Variants in PIR observed in about 807,000 individuals in gnomAD.
The protein encoded by PIR is pirin.
Under a neutral mutation model 24.2 loss-of-function variants are expected in PIR, and 22 were observed. The ratio of observed to expected loss-of-function variants is 0.91; its 90% CI spans 0.65 to 1.30. PIR has a LOEUF of 1.30. Among genes scored for constraint, PIR ranks in the 50% most tolerant of loss-of-function variants. The probability of loss-of-function intolerance (pLI) is 0.00; values close to 1 mark genes in which losing one functional copy is unlikely to be tolerated. For missense variants in PIR, 220 were observed against 220.3 expected (o/e 1.00, Z 0.01); for synonymous variants, 80 against 79.6 (o/e 1.00, Z -0.03).
chrX:15,458,678 T>C (rs1202633749), intron 4 of PIR, among the ~76,000 whole-genome samples: 1 of 112,302 alleles, frequency 8.9e-6, no homozygotes, highest in Non-Finnish European at 1.9e-5. Context: ...AAAGAGATCA[T>C]GCATACAAAA....
At chrX:15,442,702 G>A (rs1384060548) in intron 5 of PIR, among the ~76,000 whole-genome samples, 3 of 112,122 alleles carry the variant, frequency 2.7e-5, no homozygotes, top group Non-Finnish European at 5.6e-5. Context: ...CTGGATGGAA[G>A]ATCAAACTAC....
At chrX:15,479,523 C>T (rs1281783174) in intron 3 of PIR, among the ~76,000 whole-genome samples, 1 of 110,870 alleles carries the variant, frequency 9.0e-6, no homozygotes, top group Non-Finnish European at 1.9e-5. Context: ...ATTAACTGCA[C>T]AAATAGGAAT....
chrX:15,480,095 T>C (rs977823562), intron 2 of PIR, among the ~76,000 whole-genome samples: 1 of 111,279 alleles, frequency 9.0e-6, no homozygotes. Flanking sequence ...GGACAGGTCT[T>C]TCCTGTGCTG....
chrX:15,455,347 T>C (rs758201243), intron 5 of PIR, among the ~76,000 whole-genome samples: 1 of 112,765 alleles, frequency 8.9e-6, no homozygotes, highest in South Asian at 3.6e-4. Context: ...ATGTCGTGTA[T>C]GGGTTGGACA....
At chrX:15,457,868 C>T (rs184887182) in intron 4 of PIR, among the ~76,000 whole-genome samples, 32 of 112,352 alleles carry the variant, frequency 2.8e-4, no homozygotes, top group African/African-American at 9.7e-4. Context: ...TATTGGCACA[C>T]GGCCATGCCC....
At chrX:15,477,844 C>T (rs1922278376) in intron 3 of PIR, among the ~76,000 whole-genome samples, 1 of 112,005 alleles carries the variant, frequency 8.9e-6, no homozygotes, top group South Asian at 3.7e-4. Context: ...AAAAGCACCA[C>T]AGGTACTGAT....
At chrX:15,433,528 G>T (rs1243336358) in intron 5 of PIR, among the ~76,000 whole-genome samples, 4 of 24,053 alleles carry the variant, frequency 1.7e-4, no homozygotes, top group Non-Finnish European at 2.9e-4. Context: ...AAGAAAGAAA[G>T]AAAGAAAGAA....
chrX:15,427,415 AAG>A (rs1473039769), intron 5 of PIR, among the ~76,000 whole-genome samples: 1 of 110,735 alleles, frequency 9.0e-6, no homozygotes, highest in Admixed American at 9.7e-5. Flanking sequence ...TTTAGACAAA[AAG>A]AGAGAATCTG....
intron 5 of PIR, among the ~76,000 whole-genome samples, chrX:15,450,898 A>C (rs1027146841): frequency 1.8e-5 from 2 of 111,961 alleles, no homozygotes; most frequent in African/African-American, 6.5e-5. Context: ...CAAAACCTGG[A>C]AAATGTGGGC....
intron 5 of PIR, among the ~76,000 whole-genome samples, chrX:15,438,911 C>G (rs1925830854): frequency 9.0e-6 from 1 of 111,454 alleles, no homozygotes; most frequent in Admixed American, 9.6e-5. Context: ...GACCGGGTGA[C>G]ACAAACCAGA....
rs375080018 is a variant in PIR at position 15,479,743 on chromosome X, G to A, written c.175C>T (p.Arg59Ter). Residue 59 changes from arginine (R) to a stop codon, truncating the protein, a stop_gained, in exon 3 of 10, where the codon CGA becomes TGA. Coordinates refer to ENST00000380420, the MANE Select transcript of PIR (RefSeq NM_001018109.3). LOFTEE classifies it high-confidence loss of function. ...RPGGFPDHPH[R>*]GFETVSYLLE... is the part of the protein sequence containing the mutation. Reference sequence around the variant, plus strand: ...ATTGTACTTACTGTTTCAAAACCTCGATGTGGATGATCAGGAAATCCTCCT... The same window carrying A: ...ATTGTACTTACTGTTTCAAAACCTCAATGTGGATGATCAGGAAATCCTCCT... 1.7e-5 allele frequency: 19 copies of A among 1,142,108 alleles called. No homozygotes were observed. In the Admixed American group the frequency reaches 3.0e-4, roughly 18 times the overall value. 94.1% of individuals were successfully genotyped at this position (1,142,108 alleles called of 1,213,427 possible).
At chrX:15,453,307 TATGTG>T (rs1920986835) in intron 5 of PIR, among the ~76,000 whole-genome samples, 1 of 112,402 alleles carries the variant, frequency 8.9e-6, no homozygotes. Context: ...AACTGCCACT[TATGTG>T]ATGCTTACAA....
Position 15,491,223 on chromosome X carries a change from A to T in PIR, c.35T>A (p.Leu12His), listed in dbSNP as rs773044136. 46 of 1,204,130 alleles carry T rather than the reference A, an allele frequency of 3.8e-5. No homozygotes were observed. Among genetic ancestry groups the T allele is most frequent in the Non-Finnish European group, 5.2e-5 (46 of 891,501 alleles). The stretch of plus-strand genomic sequence containing the variant: ...AACCCCTTCCGACTGCTCCCGGCTG[A>T]GCACTGAGAGAGTAACTTTCTTGGA... ...GSSKKVTLSV[L>H]SREQSEGVGA... Residue 12 changes from leucine to histidine, a missense_variant, in exon 2 of 10, where the codon CTC becomes CAC. Leu to His is a moderately conservative substitution (Grantham distance 99). Transcript: ENST00000380420.
chrX:15,409,270 TGTA>T (rs1332527339), intron 6 of PIR, among the ~76,000 whole-genome samples: 2 of 41,143 alleles, frequency 4.9e-5, no homozygotes, highest in African/African-American at 2.9e-4. Context: ...AGCTAATTTT[TGTA>T]TTTTTAGTAG....
chrX:15,427,006 T>A (rs1925339008), intron 5 of PIR, among the ~76,000 whole-genome samples: 1 of 111,641 alleles, frequency 9.0e-6, no homozygotes, highest in African/African-American at 3.3e-5. Flanking sequence ...ATAAATGAAA[T>A]GTAATATACA....
At chrX:15,445,192 C>T (rs1232111024) in intron 5 of PIR, among the ~76,000 whole-genome samples, 1 of 111,164 alleles carries the variant, frequency 9.0e-6, no homozygotes, top group Non-Finnish European at 1.9e-5. Context: ...GACAGAAGAG[C>T]CTTGTTCTGG....
At chrX:15,443,628 T>C (rs1037975983) in intron 5 of PIR, among the ~76,000 whole-genome samples, 8 of 112,042 alleles carry the variant, frequency 7.1e-5, no homozygotes, top group African/African-American at 2.3e-4. Flanking sequence ...ATTCCTCTAA[T>C]GGATCTGGGC....
At chrX:15,397,338 C>A (rs1366814157) in intron 8 of PIR, 111 bp downstream of exon 8, 7 of 534,626 alleles carry the variant, frequency 1.3e-5, no homozygotes, top group East Asian at 1.0e-4. Context: ...GGTATAATTT[C>A]TTCTCCAAGG....
At chrX:15,488,384 G>A (rs1922983901) in intron 2 of PIR, among the ~76,000 whole-genome samples, 1 of 110,401 alleles carries the variant, frequency 9.1e-6, no homozygotes, top group South Asian at 3.8e-4. Context: ...GGGAGGGTTA[G>A]GGAGTCTACC....
Sources: gnomAD v4.1 joint callset for allele counts (sites outside exome capture counted in the v4.1 genomes callset) on GRCh38, gnomAD v4.1.1 for gene constraint, MANE v1.5 for transcripts, NCBI Gene and HGNC (gene_info 2026-07-23, HGNC 2026-07-21) for gene names.